DOCK3: variants seen among roughly 807,000 people sequenced by gnomAD.
The protein encoded by DOCK3 is dedicator of cytokinesis 3, also known as dedicator of cytokinesis protein 3.
A neutral mutation model predicts 265.6 loss-of-function variants in DOCK3; 60 were observed. The observed-to-expected ratio is 0.23, with a 90% CI of 0.18 to 0.28. The LOEUF is 0.28. Ranked by LOEUF, DOCK3 falls within the 10% of genes least tolerant of loss-of-function variation. DOCK3 has a pLI of 1.00. For synonymous variants in DOCK3, 881 were observed against 938.0 expected (o/e 0.94, Z 1.11); for missense variants, 1,981 against 2,594.3 (o/e 0.76, Z 5.14).
At chr3:50,926,021 T>G (rs1398478323) in intron 4 of DOCK3, among the ~76,000 whole-genome samples, 1 of 151,750 alleles carries the variant, frequency 6.6e-6, no homozygotes, top group Non-Finnish European at 1.5e-5. Flanking sequence ...TTAGTAGAGA[T>G]AGGGTTTTAC....
At chr3:51,278,639 C>T in intron 26 of DOCK3, 1 of 767,922 alleles carries the variant, frequency 1.3e-6, no homozygotes, top group Non-Finnish European at 1.6e-6. Flanking sequence ...TATATGTACC[C>T]TGGCATTTCC....
At chr3:51,028,255 A>G (rs534149361) in intron 5 of DOCK3, among the ~76,000 whole-genome samples, 297 of 152,172 alleles carry the variant, frequency 2.0e-3, no homozygotes, top group African/African-American at 6.7e-3. Context: ...TAGGCCCCCA[A>G]TCTCTTCTGG....
chr3:50,851,373 C>G (rs2046351201), intron 3 of DOCK3, among the ~76,000 whole-genome samples: 1 of 152,056 alleles, frequency 6.6e-6, no homozygotes, highest in African/African-American at 2.4e-5. Context: ...GCACCAGGAT[C>G]TCTGCGCAGT....
chr3:51,032,181 T>C (rs956160796), intron 5 of DOCK3, among the ~76,000 whole-genome samples: 3 of 151,616 alleles, frequency 2.0e-5, no homozygotes, highest in Non-Finnish European at 4.4e-5. Flanking sequence ...ATCTCTACTT[T>C]ATTTCTCACT....
intron 5 of DOCK3, among the ~76,000 whole-genome samples, chr3:51,040,567 A>G (rs1024841750): frequency 5.9e-5 from 9 of 152,134 alleles, no homozygotes; most frequent in Non-Finnish European, 1.0e-4. Context: ...GGCTGTGGCA[A>G]TTTCTTAAGA....
At chr3:50,799,493 T>C (rs561679599) in intron 2 of DOCK3, among the ~76,000 whole-genome samples, 74 of 152,286 alleles carry the variant, frequency 4.9e-4, no homozygotes, top group African/African-American at 1.8e-3. Flanking sequence ...GATTGCCTTC[T>C]TCATTTTTTT....
intron 12 of DOCK3, among the ~76,000 whole-genome samples, chr3:51,194,536 A>C (rs2088152856): frequency 6.6e-6 from 1 of 152,066 alleles, no homozygotes; most frequent in Non-Finnish European, 1.5e-5. Context: ...TTTGCAGTTT[A>C]TCTCTCTCTT....
intron 5 of DOCK3, among the ~76,000 whole-genome samples, chr3:50,997,561 T>C (rs2078327921): frequency 6.6e-6 from 1 of 152,146 alleles, no homozygotes; most frequent in Non-Finnish European, 1.5e-5. Flanking sequence ...TATTATTTTA[T>C]AATAAATAAA....
chr3:50,858,461 A>G (rs1233549173), intron 3 of DOCK3, among the ~76,000 whole-genome samples: 3 of 151,260 alleles, frequency 2.0e-5, no homozygotes, highest in Non-Finnish European at 2.9e-5. Context: ...TAAAAATAAA[A>G]TGTTTAGTAT....
At position 51,378,057 on chromosome 3, in the gene DOCK3, GTTC is replaced by G. The variant is rs551603900; in HGVS notation, c.5501-2065_5501-2063del. ...GTAGGGAGCATGGGTGAGTGGGCCT[GTTC>G]TTGGGATGGCTCAGGCTCTCTAAGG... On this transcript the variant is annotated intron_variant, in intron 51 of 52. Transcript: ENST00000266037. 1.9e-4 allele frequency among the ~76,000 whole-genome samples: 29 copies of G among 152,328 alleles called. No individual in the cohort carries two copies. The South Asian group carries it at 6.0e-3, about 32-fold the overall frequency.
chr3:51,201,429 A>G (rs1196266626), intron 12 of DOCK3, among the ~76,000 whole-genome samples: 1 of 152,224 alleles, frequency 6.6e-6, no homozygotes, highest in Non-Finnish European at 1.5e-5. Context: ...AGACAAGGCC[A>G]TTACAATAAT....
intron 3 of DOCK3, among the ~76,000 whole-genome samples, chr3:50,847,350 T>C (rs1040664747): frequency 2.6e-5 from 4 of 152,206 alleles, no homozygotes; most frequent in African/African-American, 9.6e-5. Flanking sequence ...TTGGTATGAC[T>C]TCCATTTTTT....
intron 1 of DOCK3, among the ~76,000 whole-genome samples, chr3:50,702,778 A>T (rs751878951): frequency 2.6e-5 from 4 of 151,448 alleles, no homozygotes; most frequent in Non-Finnish European, 5.9e-5. Flanking sequence ...GTATAAGATC[A>T]TACTGTTTTC....
chr3:50,943,577 T>G (rs1246838138), intron 5 of DOCK3, among the ~76,000 whole-genome samples: 1 of 152,138 alleles, frequency 6.6e-6, no homozygotes, highest in African/African-American at 2.4e-5. Context: ...TTCTTTTTCT[T>G]ATCTATTTTC....
chr3:51,344,308 G>A (rs1237385483), intron 38 of DOCK3, among the ~76,000 whole-genome samples: 1 of 152,180 alleles, frequency 6.6e-6, no homozygotes, highest in East Asian at 1.9e-4. Flanking sequence ...CCCTGCGAGG[G>A]AGCAACAAGG....
intron 27 of DOCK3, among the ~76,000 whole-genome samples, chr3:51,304,749 C>T (rs886393384): frequency 6.6e-6 from 1 of 152,206 alleles, no homozygotes; most frequent in Non-Finnish European, 1.5e-5. Context: ...GGTGAGCCAT[C>T]GCACCACCCT....
At chr3:50,877,224 C>G in intron 3 of DOCK3, 1 of 325,008 alleles carries the variant, frequency 3.1e-6, no homozygotes, top group Non-Finnish European at 6.1e-6. Context: ...TGAGCTCTCT[C>G]ATGATCTTAC....
intron 4 of DOCK3, among the ~76,000 whole-genome samples, chr3:50,917,275 A>G (rs1026873767): frequency 7.9e-5 from 12 of 152,122 alleles, no homozygotes; most frequent in Non-Finnish European, 1.5e-4. Flanking sequence ...GGTTTGATAA[A>G]ACTTGACTTT....
At chr3:50,811,319 A>T (rs1283543023) in intron 2 of DOCK3, among the ~76,000 whole-genome samples, 1 of 152,016 alleles carries the variant, frequency 6.6e-6, no homozygotes, top group African/African-American at 2.4e-5. Context: ...CAGGAGGATC[A>T]CTTGAGCCCA....
Sources: gnomAD v4.1 joint callset for allele counts (sites outside exome capture counted in the v4.1 genomes callset) on GRCh38, gnomAD v4.1.1 for gene constraint, MANE v1.5 for transcripts, NCBI Gene and HGNC (gene_info 2026-07-23, HGNC 2026-07-21) for gene names.